FSHR: variants seen among roughly 807,000 people sequenced by gnomAD.
The protein encoded by FSHR is follicle stimulating hormone receptor.
Under a neutral mutation model 52.1 loss-of-function variants are expected in FSHR, and 46 were observed. That is an observed-to-expected ratio of 0.88 (90% CI 0.70 to 1.13). The LOEUF is 1.13. FSHR is among the 50% of genes most tolerant of loss of function. The pLI is 0.00. For synonymous variants in FSHR, 399 were observed against 309.6 expected (o/e 1.29, Z -3.03); for missense variants, 964 against 834.6 (o/e 1.16, Z -1.91).
At chr2:49,146,101 C>T (rs2103850063) in intron 1 of FSHR, among the ~76,000 whole-genome samples, 1 of 152,052 alleles carries the variant, frequency 6.6e-6, no homozygotes, top group South Asian at 2.1e-4. Context: ...TGTGTACCCA[C>T]AGAGGAATTA....
intron 1 of FSHR, among the ~76,000 whole-genome samples, chr2:49,132,227 C>T (rs1359389414): frequency 6.6e-6 from 1 of 152,140 alleles, no homozygotes; most frequent in Non-Finnish European, 1.5e-5. Context: ...GAACTCAGGA[C>T]TTTGATATAA....
chr2:49,028,379 A>G (rs1281883895), intron 2 of FSHR, among the ~76,000 whole-genome samples: 4 of 152,238 alleles, frequency 2.6e-5, no homozygotes, highest in African/African-American at 4.8e-5. Flanking sequence ...GAGTGGCAGC[A>G]TCAACCTGGA....
intron 2 of FSHR, among the ~76,000 whole-genome samples, chr2:49,044,565 G>C (rs559997364): frequency 6.6e-6 from 1 of 152,106 alleles, no homozygotes; most frequent in Non-Finnish European, 1.5e-5. Flanking sequence ...TCTGCTCTAG[G>C]TTTCCTGTGG....
chr2:49,019,541 A>C (rs1667616128), intron 3 of FSHR, among the ~76,000 whole-genome samples: 1 of 152,228 alleles, frequency 6.6e-6, no homozygotes, highest in African/African-American at 2.4e-5. Flanking sequence ...TCATTATAAC[A>C]TACACACTCT....
At chr2:49,034,351 C>T (rs1668206788) in intron 2 of FSHR, among the ~76,000 whole-genome samples, 1 of 152,172 alleles carries the variant, frequency 6.6e-6, no homozygotes, top group Non-Finnish European at 1.5e-5. Context: ...TAAGAAAAGT[C>T]TGATCAGCAA....
intron 2 of FSHR, among the ~76,000 whole-genome samples, chr2:49,044,427 A>G (rs1382448839): frequency 6.6e-6 from 1 of 152,156 alleles, no homozygotes; most frequent in Non-Finnish European, 1.5e-5. Flanking sequence ...ATGGTAATGA[A>G]CTCTTATTGC....
intron 1 of FSHR, among the ~76,000 whole-genome samples, chr2:49,133,102 C>G (rs1035105743): frequency 6.6e-6 from 1 of 151,992 alleles, no homozygotes; most frequent in African/African-American, 2.4e-5. Context: ...ACAGAGTTCC[C>G]TCTTCCCTAG....
chr2:49,082,892 G>T (rs1366252703), intron 1 of FSHR, among the ~76,000 whole-genome samples: 1 of 152,084 alleles, frequency 6.6e-6, no homozygotes, highest in African/African-American at 2.4e-5. Flanking sequence ...AAGTGACGGG[G>T]AGAATGGAAC....
At chr2:49,103,985 T>C (rs1391295194) in intron 1 of FSHR, among the ~76,000 whole-genome samples, 1 of 151,818 alleles carries the variant, frequency 6.6e-6, no homozygotes, top group Non-Finnish European at 1.5e-5. Context: ...TTTTTTTTTT[T>C]ATCCTCTAAA....
At chr2:49,078,242 G>A (rs1053964579) in intron 1 of FSHR, among the ~76,000 whole-genome samples, 3 of 152,168 alleles carry the variant, frequency 2.0e-5, no homozygotes, top group Non-Finnish European at 4.4e-5. Context: ...AATGGATGGT[G>A]GCAGGCAAAG....
rs554538124 is a variant in FSHR, at chr2:49,065,836, A to G, written c.224+2383T>C. Among the ~76,000 whole-genome samples the G allele has an allele frequency of 3.1e-4, 47 of 152,216 alleles. 1 individual carries two copies. Among genetic ancestry groups the G allele is most frequent in the Admixed American group, 6.5e-4 (10 of 15,276 alleles). Reference sequence around the variant, plus strand: ...TTGAAGAACAAGAGAGATGAAGAGAACTGGATATGGAGCAATCTGGGAGGT... The same window carrying G: ...TTGAAGAACAAGAGAGATGAAGAGAGCTGGATATGGAGCAATCTGGGAGGT... On this transcript the variant is annotated intron_variant, in intron 2 of 9. Coordinates refer to ENST00000406846, the MANE Select transcript of FSHR (RefSeq NM_000145.4).
intron 2 of FSHR, among the ~76,000 whole-genome samples, chr2:49,066,940 A>C (rs78319349): frequency 6.6e-6 from 1 of 151,944 alleles, no homozygotes; most frequent in South Asian, 2.1e-4. Context: ...CTCCCACTCT[A>C]CTGTCTCCCT....
chr2:49,014,832 G>C (rs985382471), intron 4 of FSHR: 3 of 451,172 alleles, frequency 6.6e-6, no homozygotes, highest in Non-Finnish European at 1.4e-5. Flanking sequence ...GTTTATGAAT[G>C]AAAGTGTCTC....
intron 2 of FSHR, among the ~76,000 whole-genome samples, chr2:49,052,196 C>G (rs968651773): frequency 3.3e-5 from 5 of 152,088 alleles, no homozygotes; most frequent in Admixed American, 3.3e-4. Context: ...CTTTGTTGCT[C>G]AAAACACCCC....
At chr2:49,127,005 G>T (rs1007440136) in intron 1 of FSHR, among the ~76,000 whole-genome samples, 1 of 152,156 alleles carries the variant, frequency 6.6e-6, no homozygotes, top group Non-Finnish European at 1.5e-5. Flanking sequence ...GAAAGAAAGG[G>T]AGGCATGTGG....
At chr2:49,133,123 T>C (rs972504431) in intron 1 of FSHR, among the ~76,000 whole-genome samples, 5 of 152,112 alleles carry the variant, frequency 3.3e-5, no homozygotes, top group Admixed American at 3.3e-4. Context: ...CTCCTAACTA[T>C]AGGACTTTCT....
intron 9 of FSHR, 124 bp downstream of exon 9, chr2:48,968,574 C>G (rs996243151): frequency 1.3e-5 from 15 of 1,148,672 alleles, no homozygotes; most frequent in African/African-American, 1.2e-4. Flanking sequence ...CCAGAATGTG[C>G]CAAAGGGCTT....
intron 4 of FSHR, among the ~76,000 whole-genome samples, chr2:49,010,616 C>A (rs201611066): frequency 0.62 from 92,845 of 149,044 alleles, 31,824 homozygotes; most frequent in East Asian, 0.77. Context: ...CCAGTTCCTC[C>A]TTGTACCTCT....
chr2:49,014,085 A>T (rs561572992), intron 4 of FSHR, among the ~76,000 whole-genome samples: 1 of 152,258 alleles, frequency 6.6e-6, no homozygotes, highest in South Asian at 2.1e-4. Context: ...TCTAGCCCCC[A>T]GGACCATGAG....
Sources: gnomAD v4.1 joint callset for allele counts (sites outside exome capture counted in the v4.1 genomes callset) on GRCh38, gnomAD v4.1.1 for gene constraint, MANE v1.5 for transcripts, NCBI Gene and HGNC (gene_info 2026-07-23, HGNC 2026-07-21) for gene names.